Variants in POLD3 observed in about 807,000 individuals in gnomAD.
POLD3 encodes DNA polymerase delta subunit 3.
A neutral mutation model predicts 58.2 loss-of-function variants in POLD3; 19 were observed. The observed-to-expected ratio is 0.33, with a 90% confidence interval of 0.23 to 0.48. The LOEUF (loss-of-function observed/expected upper bound fraction) is 0.48. Among genes scored for constraint, POLD3 ranks in the 20% least tolerant of loss-of-function variants. The pLI is 0.99. For synonymous variants in POLD3, 172 were observed against 193.5 expected (o/e 0.89, Z 0.92); for missense variants, 504 against 545.5 (o/e 0.92, Z 0.76).
rs746421796 is a variant in POLD3 at position 74,636,282 on chromosome 11, C to G, written c.1198+7C>G. 1 of 1,611,890 alleles carries G rather than the reference C, an allele frequency of 6.2e-7. No homozygotes were observed. The highest frequency in any genetic ancestry group is 8.5e-7 in the Non-Finnish European group (1 of 1,178,642). On this transcript the variant is annotated splice_region_variant and intron_variant, in intron 11 of 11. Coordinates refer to ENST00000263681, the MANE Select transcript of POLD3 (RefSeq NM_006591.3). ...GATGGGGAAGGCTGCATAGGTAAGACAAATATTTGGCTCCAAATCCAGAGA... is the reference window on the plus strand; with the variant it reads ...GATGGGGAAGGCTGCATAGGTAAGAGAAATATTTGGCTCCAAATCCAGAGA...
At chr11:74,623,630 A>G (rs148612870) in intron 7 of POLD3, among the ~76,000 whole-genome samples, 4 of 152,276 alleles carry the variant, frequency 2.6e-5, no homozygotes, top group East Asian at 1.9e-4. Context: ...TTATATCTCA[A>G]TTTTTAAAAG....
Position 74,592,735 on chromosome 11 carries a change from G to T in POLD3, c.60+17G>T. 6.2e-7 allele frequency: 1 copy of T among 1,613,724 alleles called. No individual in the cohort carries two copies. Among genetic ancestry groups the T allele is most frequent in the African/African-American group, 1.3e-5 (1 of 75,042 alleles). ...AACAAGATCGTGAGCAGCTACTACT[G>T]GGGAACGCGGGCGTGCGACCGGGGT... is the stretch of plus-strand genomic sequence containing the variant. On this transcript the variant is annotated intron_variant, in intron 1 of 11. Transcript: ENST00000263681.
intron 8 of POLD3, among the ~76,000 whole-genome samples, chr11:74,628,643 T>C (rs754811039): frequency 8.5e-5 from 13 of 152,188 alleles, no homozygotes; most frequent in Non-Finnish European, 1.6e-4. Context: ...CTTAAAAGGA[T>C]ATCTCTGCCT....
chr11:74,633,585 G>A lies in POLD3; in HGVS notation c.1007-998G>A, dbSNP rs546224211. 4.6e-5 allele frequency among the ~76,000 whole-genome samples: 7 copies of A among 152,274 alleles called. No individual in the cohort carries two copies. The East Asian group carries it at 1.2e-3, about 25-fold the overall frequency. On this transcript the variant is annotated intron_variant, in intron 9 of 11. Coordinates refer to ENST00000263681, the MANE Select transcript of POLD3 (RefSeq NM_006591.3). ...TTCAGGGAGCAGGTGAGGCTAAGTC[G>A]CTACCCGGTCCCCTGACCAGCACTT...
At chr11:74,620,129 G>A (rs563857521) in intron 7 of POLD3, 40 bp downstream of exon 7, 9 of 1,425,664 alleles carry the variant, frequency 6.3e-6, no homozygotes, top group Non-Finnish European at 8.9e-6. Context: ...ACGAATGAAT[G>A]TTAATGTAAT....
intron 9 of POLD3, among the ~76,000 whole-genome samples, chr11:74,632,969 T>C (rs983066968): frequency 1.2e-4 from 18 of 150,122 alleles, no homozygotes; most frequent in African/African-American, 4.2e-4. Context: ...AATCGTGGTG[T>C]CTCTGCCTTT....
At chr11:74,612,061 T>C (rs1412570530) in intron 4 of POLD3, among the ~76,000 whole-genome samples, 1 of 152,188 alleles carries the variant, frequency 6.6e-6, no homozygotes, top group Non-Finnish European at 1.5e-5. Context: ...TTGTACTTTG[T>C]ATATAAAGGC....
At chr11:74,596,054 A>G (rs1255080910) in intron 2 of POLD3, among the ~76,000 whole-genome samples, 1 of 132,744 alleles carries the variant, frequency 7.5e-6, no homozygotes, top group Admixed American at 8.0e-5. Flanking sequence ...TTTAGTAGAG[A>G]TGAGATCTTG....
At chr11:74,650,816 C>G (rs1285514406) in intron 4 of POLD3, among the ~76,000 whole-genome samples, 1 of 152,242 alleles carries the variant, frequency 6.6e-6, no homozygotes, top group Non-Finnish European at 1.5e-5. Flanking sequence ...GCCATGACAC[C>G]TGCTTTAGTA....
At chr11:74,629,695 C>A (rs2032536122) in intron 9 of POLD3, among the ~76,000 whole-genome samples, 1 of 151,380 alleles carries the variant, frequency 6.6e-6, no homozygotes, top group Non-Finnish European at 1.5e-5. Context: ...TGGTGGTCCA[C>A]ACAGGTAAAA....
chr11:74,605,853 T>C (rs1408971762), intron 3 of POLD3, among the ~76,000 whole-genome samples: 1 of 152,088 alleles, frequency 6.6e-6, no homozygotes, highest in African/African-American at 2.4e-5. Context: ...GGAAGCTGGG[T>C]TGGGAGAATC....
intron 10 of POLD3, 111 bp from the exon 11 acceptor site, chr11:74,636,086 T>G (rs2135177372): frequency 1.9e-6 from 2 of 1,052,078 alleles, no homozygotes; most frequent in East Asian, 5.1e-5. Context: ...TCTTTCAACT[T>G]TTTATCATAA....
At chr11:74,646,792 G>A (rs2033003974), downstream of POLD3, among the ~76,000 whole-genome samples, 1 of 152,182 alleles carries the variant, frequency 6.6e-6, no homozygotes, top group Non-Finnish European at 1.5e-5. Flanking sequence ...AGGCCAGGGT[G>A]GTGTTCTCCA....
chr11:74,634,485 C>G (rs1008311281), intron 9 of POLD3, 98 bp from the exon 10 acceptor site: 1 of 691,780 alleles, frequency 1.4e-6, no homozygotes, highest in Non-Finnish European at 2.7e-6. Context: ...TTGCTAAATC[C>G]CCTTTGCTGG....
chr11:74,594,013 C>T (rs1377960077), intron 1 of POLD3, 48 bp from the exon 2 acceptor site: 1 of 982,386 alleles, frequency 1.0e-6, no homozygotes, highest in South Asian at 1.3e-5. Flanking sequence ...CTGATGTGCA[C>T]TCTGGAGTCA....
Position 74,618,592 on chromosome 11 carries a change from T to G in POLD3, c.448T>G (p.Ser150Ala). Residue 150 changes from serine to alanine, a missense_variant, in exon 6 of 12, where the codon TCG becomes GCG. This residue lies in a region of POLD3 where 385 missense variants were observed against 370.5 expected (regional missense o/e 1.04). Transcript: ENST00000263681. ...AVPRAPAESS[S>A]SSKKFEQSHL... The stretch of plus-strand genomic sequence containing the variant: ...CCCTAGAGCTCCTGCTGAATCCTCT[T>G]CGTCTTCCAAAAAGTTTGAGCAGTC... 6.2e-7 allele frequency: 1 copy of G among 1,613,932 alleles called. No homozygotes were observed.
Position 74,613,007 on chromosome 11 carries a change from G to T in POLD3, c.389G>T (p.Ser130Ile). Residue 130 changes from serine (S) to isoleucine (I), a missense_variant, in exon 5 of 12, where the codon AGC (serine) becomes ATC (isoleucine). Coordinates refer to ENST00000263681, the MANE Select transcript of POLD3 (RefSeq NM_006591.3). ...CTTAAAAGCAACTTGCAGAACTGCAGCAAGTAAGCGTCTTAATGTTCCTTG... is the reference window on the plus strand; with the variant it reads ...CTTAAAAGCAACTTGCAGAACTGCATCAAGTAAGCGTCTTAATGTTCCTTG... ...DILKSNLQNC[S>I]KFSAIQCAAA... 1 of 1,607,786 alleles carries T rather than the reference G, an allele frequency of 6.2e-7. No individual in the cohort carries two copies. The highest frequency in any genetic ancestry group is 8.5e-7 in the Non-Finnish European group (1 of 1,178,202).
At position 74,642,690 on chromosome 11, in the gene POLD3, CAT is replaced by C. The variant is rs1362251206; in HGVS notation, c.*1925_*1926del. ...TTTTTATACAATACCATGTTAACCA[CAT>C]GAGTTAAATAAATTTGAGAAGTTGT... On this transcript the variant is annotated 3_prime_UTR_variant, in exon 12 of 12. Coordinates refer to ENST00000263681, the MANE Select transcript of POLD3 (RefSeq NM_006591.3). The C allele has an allele frequency of 1.0e-6, 1 of 983,234 alleles. No homozygotes were observed. Among genetic ancestry groups the C allele is most frequent in the Admixed American group, 6.2e-5 (1 of 16,256 alleles). The allele number at this position is 983,234 out of a possible 1,614,324, so 60.9% of individuals were successfully genotyped here. A position where few individuals can be genotyped will look rare whatever the true frequency, so the allele number is the denominator to read the frequency against.
At chr11:74,638,224 T>C (rs938829848) in intron 11 of POLD3, among the ~76,000 whole-genome samples, 6 of 152,176 alleles carry the variant, frequency 3.9e-5, no homozygotes, top group Non-Finnish European at 8.8e-5. Context: ...ACCTCCTTTT[T>C]TCTGGGGTTT....
Sources: allele counts gnomAD v4.1 joint callset (sites outside exome capture counted in the v4.1 genomes callset), GRCh38; gene constraint gnomAD v4.1.1; regional missense constraint gnomAD v4.1.1; transcripts MANE v1.5; gene names NCBI Gene and HGNC (gene_info 2026-07-23, HGNC 2026-07-21).